CSMD2: variants seen among roughly 807,000 people sequenced by gnomAD.
CSMD2 encodes the protein CUB and sushi domain-containing protein 2.
A neutral mutation model predicts 398.5 loss-of-function variants in CSMD2; 130 were observed. The ratio of observed to expected loss-of-function variants is 0.33; its 90% confidence interval spans 0.28 to 0.38. The LOEUF (loss-of-function observed/expected upper bound fraction) is 0.38. CSMD2 is among the 10% of genes least tolerant of loss of function. CSMD2 has a pLI of 1.00. For synonymous variants in CSMD2, 1,828 were observed against 1,908.5 expected, an observed-to-expected ratio of 0.96 and a Z score of 1.10; for missense variants, 3,829 against 4,764.9, an observed-to-expected ratio of 0.80 and a Z score of 5.78.
intron 25 of CSMD2, among the ~76,000 whole-genome samples, chr1:33,684,220 C>A (rs996466264): frequency 5.9e-5 from 9 of 152,214 alleles, no homozygotes; most frequent in Admixed American, 2.0e-4. Context: ...TAATCAAAAC[C>A]ATGCCCGCCA....
chr1:33,962,035 C>T (rs964554919), intron 3 of CSMD2, among the ~76,000 whole-genome samples: 1 of 152,128 alleles, frequency 6.6e-6, no homozygotes, highest in Non-Finnish European at 1.5e-5. Context: ...GACACTGGCA[C>T]CTAGTAAGGA....
In CSMD2 at chr1:34,106,237, C is replaced by T. The variant is rs74682639; in HGVS notation, c.188-17044G>A. Among the ~76,000 whole-genome samples, 905 of 152,236 alleles carry T rather than the reference C, an allele frequency of 5.9e-3. 14 individuals are homozygous for T. The highest frequency in any genetic ancestry group is 0.021 in the African/African-American group (862 of 41,540). Reference sequence around the variant, plus strand: ...TGACAAGTGGTTCAGGGAAACCATGCTGTTCAATCTTAGGGGAACAGAAAG... The same window carrying T: ...TGACAAGTGGTTCAGGGAAACCATGTTGTTCAATCTTAGGGGAACAGAAAG... On this transcript the variant is annotated intron_variant, in intron 1 of 70. Transcript: ENST00000373381.
chr1:33,801,741 T>C (rs1418509197), intron 10 of CSMD2, among the ~76,000 whole-genome samples: 2 of 152,120 alleles, frequency 1.3e-5, no homozygotes, highest in African/African-American at 4.8e-5. Context: ...TTGGACTGTC[T>C]CTCAAAGGGG....
At position 33,662,985 on chromosome 1, in the gene CSMD2, A is replaced by G. The variant is rs370813713; in HGVS notation, c.4160T>C (p.Leu1387Pro). Residue 1387 changes from leucine (L) to proline (P), a missense_variant, in exon 26 of 71, where the codon CTG becomes CCG. Leu to Pro is a moderately conservative substitution (Grantham distance 98, BLOSUM62 -3). This residue lies in a region of CSMD2 where 2,001 missense variants were observed against 2,567.1 expected (regional missense o/e 0.78). Coordinates refer to ENST00000373381, the MANE Select transcript of CSMD2 (RefSeq NM_001281956.2). ...GAAGGTGCTATGCAGGTCCTTGGGC[A>G]GGGCCGGGCCACTCAGCTCCTTCAG... is the stretch of plus-strand genomic sequence containing the variant. ...VLLKELSGPA[L>P]PKDLHSTFNS... 9.3e-6 allele frequency: 15 copies of G among 1,614,030 alleles called. No individual in the cohort carries two copies. The highest frequency in any genetic ancestry group is 1.2e-5 in the Non-Finnish European group (14 of 1,180,018).
chr1:33,691,807 A>G (rs1231352125), intron 25 of CSMD2, among the ~76,000 whole-genome samples: 8 of 152,014 alleles, frequency 5.3e-5, no homozygotes, highest in Non-Finnish European at 8.8e-5. Flanking sequence ...CTTTACCCCT[A>G]TCTATCTCCC....
Position 33,907,744 on chromosome 1 carries a change from T to C in CSMD2, c.920+10350A>G, listed in dbSNP as rs528860356. ...GTGATTTTGCCATTTCATCGGACTG[T>C]CATTGCTAGTTTTTTGTGTGAATCC... On this transcript the variant is annotated intron_variant, in intron 5 of 70. Transcript: ENST00000373381. Among the ~76,000 whole-genome samples, 3 of 152,292 alleles carry C rather than the reference T, an allele frequency of 2.0e-5. No homozygotes were observed. The South Asian group carries it at 6.2e-4, about 32-fold the overall frequency.
At chr1:34,039,870 A>G (rs1236435704) in intron 2 of CSMD2, among the ~76,000 whole-genome samples, 1 of 152,162 alleles carries the variant, frequency 6.6e-6, no homozygotes, top group Non-Finnish European at 1.5e-5. Flanking sequence ...AAAGAGGTAG[A>G]GGCCAGGCAT....
Position 34,164,359 on chromosome 1 carries a change from GA to G in CSMD2, c.187+551del, listed in dbSNP as rs1641661921. 6.6e-6 allele frequency among the ~76,000 whole-genome samples: 1 copy of G among 152,132 alleles called. No individual in the cohort carries two copies. The highest frequency in any genetic ancestry group is 2.1e-4 in the South Asian group (1 of 4,834). ...GGGAGGGGTAGCATTTGAGGAGGGGGATGGCGGCCGCAGTCTGCAGTCGGTT... is the reference window on the plus strand; with the variant it reads ...GGGAGGGGTAGCATTTGAGGAGGGGGTGGCGGCCGCAGTCTGCAGTCGGTT... On this transcript the variant is annotated intron_variant, in intron 1 of 70. Coordinates refer to ENST00000373381, the MANE Select transcript of CSMD2 (RefSeq NM_001281956.2). This position sits in a 1 kb window ranked among gnomAD's most constrained non-coding sequence, Gnocchi z 6.2.
At chr1:33,735,903 G>T (rs1646870326) in intron 15 of CSMD2, among the ~76,000 whole-genome samples, 1 of 152,182 alleles carries the variant, frequency 6.6e-6, no homozygotes, top group South Asian at 2.1e-4. Flanking sequence ...GACAAAAGGA[G>T]GGAGAGGAGC....
chr1:33,958,599 G>A (rs1020005462), intron 3 of CSMD2, among the ~76,000 whole-genome samples: 1 of 152,206 alleles, frequency 6.6e-6, no homozygotes. Context: ...AGGGTTTAGA[G>A]GTTAGAGACT....
At chr1:33,947,011 G>A (rs1339736685) in intron 3 of CSMD2, among the ~76,000 whole-genome samples, 1 of 152,152 alleles carries the variant, frequency 6.6e-6, no homozygotes, top group African/African-American at 2.4e-5. Context: ...GGAGGTTTAT[G>A]GCCAGGGCTG....
intron 42 of CSMD2, among the ~76,000 whole-genome samples, chr1:33,604,932 T>C (rs1281466580): frequency 6.6e-6 from 1 of 152,200 alleles, no homozygotes; most frequent in Non-Finnish European, 1.5e-5. Flanking sequence ...TCTACCTCTC[T>C]AGCTCTCAGC....
At chr1:33,749,092 C>T (rs965035008) in intron 13 of CSMD2, among the ~76,000 whole-genome samples, 2 of 87,806 alleles carry the variant, frequency 2.3e-5, no homozygotes, top group Admixed American at 1.5e-4. Context: ...ATACAGACTT[C>T]TTTTTTTTTT....
intron 22 of CSMD2, among the ~76,000 whole-genome samples, chr1:33,705,914 G>T (rs1571286140): frequency 6.8e-6 from 1 of 146,498 alleles, no homozygotes. Context: ...AGTTCTGCTA[G>T]TATTGTCTAC....
chr1:33,923,809 G>A lies in CSMD2; in HGVS notation c.713-5508C>T, dbSNP rs903379648. On this transcript the variant is annotated intron_variant, in intron 4 of 70. Transcript: ENST00000373381. ...CTGTTAGAACCTGGGCTGCACAGCA[G>A]GAGGTGAGTGTTGAGCAAGTTATCT... is the stretch of plus-strand genomic sequence containing the variant. Among the ~76,000 whole-genome samples the A allele has an allele frequency of 2.6e-5, 4 of 152,302 alleles. No homozygotes were observed. In the South Asian group the frequency reaches 6.2e-4, roughly 24 times the overall value.
chr1:33,830,179 G>C (rs1033853625), intron 6 of CSMD2, among the ~76,000 whole-genome samples: 4 of 152,224 alleles, frequency 2.6e-5, no homozygotes, highest in African/African-American at 9.6e-5. Context: ...CATGCAGCTG[G>C]AGATCTGAGA....
Position 33,743,434 on chromosome 1 carries a change from G to A in CSMD2, c.2019C>T (p.Val673=). 1 of 1,614,226 alleles carries A rather than the reference G, an allele frequency of 6.2e-7. No homozygotes were observed. Among genetic ancestry groups the A allele is most frequent in the South Asian group, 1.1e-5 (1 of 91,070 alleles). The change falls in exon 14 of 71, where the codon GTC becomes GTT. Residue 673 remains valine, a synonymous_variant. Coordinates refer to ENST00000373381, the MANE Select transcript of CSMD2 (RefSeq NM_001281956.2). ...IDVEPQFDFL[V]IKDGATAEAP... ...CCTCGGCGGTGGCCCCATCCTTGAT[G>A]ACCAGGAAATCAAACTGAGGCTCCA...
intron 2 of CSMD2, among the ~76,000 whole-genome samples, chr1:34,046,077 G>C (rs923281990): frequency 3.3e-5 from 5 of 152,226 alleles, no homozygotes; most frequent in Non-Finnish European, 7.3e-5. Flanking sequence ...TTAGCTCAAG[G>C]TGGTTCACAA....
chr1:34,055,344 C>A (rs1653707025), intron 2 of CSMD2, among the ~76,000 whole-genome samples: 1 of 152,178 alleles, frequency 6.6e-6, no homozygotes, highest in Admixed American at 6.5e-5. Context: ...TGGATGTCCT[C>A]CAGTGCAATT....
Sources: allele counts gnomAD v4.1 joint callset (sites outside exome capture counted in the v4.1 genomes callset), GRCh38; gene constraint gnomAD v4.1.1; regional missense constraint gnomAD v4.1.1; non-coding constraint Gnocchi (gnomAD v3.1); transcripts MANE v1.5; gene names NCBI Gene and HGNC (gene_info 2026-07-23, HGNC 2026-07-21).